ATRNL1: variants seen among roughly 807,000 people sequenced by gnomAD.
ATRNL1 encodes attractin-like protein 1.
Under a neutral mutation model 182.7 loss-of-function variants are expected in ATRNL1, and 95 were observed. The observed-to-expected ratio is 0.52, with a 90% CI of 0.44 to 0.62. The LOEUF is 0.62. Among genes scored for constraint, ATRNL1 ranks in the 20% least tolerant of loss-of-function variants. The pLI is 0.00. For synonymous variants in ATRNL1, 576 were observed against 568.3 expected (o/e 1.01, Z -0.19); for missense variants, 1,471 against 1,679.5 (o/e 0.88, Z 2.17).
At chr10:115,922,473 T>A (rs183038513) in intron 28 of ATRNL1, among the ~76,000 whole-genome samples, 2 of 152,260 alleles carry the variant, frequency 1.3e-5, no homozygotes, top group Admixed American at 1.3e-4. Flanking sequence ...ATGTTTTAAT[T>A]TCTTTTTTTA....
chr10:115,492,502 G>A (rs1311357848), intron 24 of ATRNL1, among the ~76,000 whole-genome samples: 2 of 148,862 alleles, frequency 1.3e-5, no homozygotes, highest in Non-Finnish European at 3.0e-5. Flanking sequence ...TTACTTTGAG[G>A]TTCCTTTTAT....
intron 17 of ATRNL1, among the ~76,000 whole-genome samples, chr10:115,302,693 C>T (rs1169981992): frequency 2.0e-5 from 3 of 152,158 alleles, no homozygotes; most frequent in African/African-American, 7.2e-5. Context: ...TAGGATAAGG[C>T]TGCACCTGAA....
intron 27 of ATRNL1, among the ~76,000 whole-genome samples, chr10:115,788,348 A>G (rs1210356378): frequency 1.3e-5 from 2 of 152,126 alleles, no homozygotes; most frequent in African/African-American, 4.8e-5. Flanking sequence ...TCCTACCTAA[A>G]TAGTGTATTT....
intron 26 of ATRNL1, among the ~76,000 whole-genome samples, chr10:115,710,862 T>C (rs1250816854): frequency 3.3e-5 from 5 of 152,102 alleles, no homozygotes; most frequent in Admixed American, 6.6e-5. Context: ...GGTAAAGCTA[T>C]AAGTGAGTTA....
intron 27 of ATRNL1, among the ~76,000 whole-genome samples, chr10:115,772,390 A>G (rs2134169031): frequency 6.6e-6 from 1 of 152,328 alleles, no homozygotes; most frequent in Non-Finnish European, 1.5e-5. Context: ...ATTAGGTATC[A>G]ACTCATTGAC....
At chr10:115,260,075 A>G (rs1379059407) in intron 10 of ATRNL1, among the ~76,000 whole-genome samples, 5 of 152,222 alleles carry the variant, frequency 3.3e-5, no homozygotes, top group Admixed American at 3.3e-4. Flanking sequence ...TGAAAGGCAA[A>G]TAACTTCTAG....
In ATRNL1 at chr10:115,263,752, T is replaced by G. The variant is rs190794343; in HGVS notation, c.1688-1441T>G. On this transcript the variant is annotated intron_variant, in intron 10 of 28. Transcript: ENST00000355044. The stretch of plus-strand genomic sequence containing the variant: ...TTAAATTAACTCTAACATGTAAAAT[T>G]GGCAGTCTTAATCTTTATCATAGGC... Among the ~76,000 whole-genome samples, 1,009 of 151,890 alleles carry G rather than the reference T, an allele frequency of 6.6e-3. 11 individuals are homozygous for G. Among genetic ancestry groups the G allele is most frequent in the African/African-American group, 0.023 (954 of 41,546 alleles).
At chr10:115,476,649 T>G (rs1186093104) in intron 24 of ATRNL1, among the ~76,000 whole-genome samples, 1 of 151,512 alleles carries the variant, frequency 6.6e-6, no homozygotes, top group Middle Eastern at 3.4e-3. Context: ...TTATTAAATC[T>G]GCATGCCAAA....
chr10:115,562,363 T>A (rs1411932229), intron 26 of ATRNL1, among the ~76,000 whole-genome samples: 1 of 152,172 alleles, frequency 6.6e-6, no homozygotes, highest in African/African-American at 2.4e-5. Flanking sequence ...GGGTTCTTTC[T>A]GGGATGATGA....
intron 9 of ATRNL1, among the ~76,000 whole-genome samples, chr10:115,221,038 C>A (rs565525855): frequency 6.6e-6 from 1 of 152,316 alleles, no homozygotes; most frequent in African/African-American, 2.4e-5. Context: ...GATCATCAAG[C>A]ATTAGATTCT....
chr10:115,334,444 G>T, intron 19 of ATRNL1, 25 bp downstream of exon 19: 1 of 1,495,268 alleles, frequency 6.7e-7, no homozygotes, highest in South Asian at 1.4e-5. Context: ...AGCAAATTTT[G>T]GTGTATTTTT....
At chr10:115,621,280 G>GAGAGAA (rs1565220737) in intron 26 of ATRNL1, among the ~76,000 whole-genome samples, 2 of 55,242 alleles carry the variant, frequency 3.6e-5, no homozygotes, top group Non-Finnish European at 7.3e-5. Context: ...TATATATAGA[G>GAGAGAA]AGAGAGAGAG....
At chr10:115,221,311 T>C (rs1849455551) in intron 9 of ATRNL1, among the ~76,000 whole-genome samples, 2 of 152,232 alleles carry the variant, frequency 1.3e-5, no homozygotes, top group Non-Finnish European at 2.9e-5. Context: ...GTCCATTATG[T>C]ATCAGTATTA....
intron 5 of ATRNL1, among the ~76,000 whole-genome samples, chr10:115,134,582 T>A (rs536729433): frequency 6.6e-6 from 1 of 152,326 alleles, no homozygotes; most frequent in Admixed American, 6.5e-5. Context: ...CCAGACGGAT[T>A]CACAGGTGAA....
intron 19 of ATRNL1, among the ~76,000 whole-genome samples, chr10:115,368,211 G>A (rs531578397): frequency 4.6e-5 from 7 of 152,342 alleles, no homozygotes; most frequent in South Asian, 2.1e-4. Flanking sequence ...AGCCAGGTGC[G>A]GGATATAATC....
chr10:115,847,204 A>G (rs1950949339), intron 27 of ATRNL1, among the ~76,000 whole-genome samples: 1 of 152,060 alleles, frequency 6.6e-6, no homozygotes, highest in Non-Finnish European at 1.5e-5. Flanking sequence ...AATATTCACC[A>G]GGGACAGGGA....
intron 27 of ATRNL1, among the ~76,000 whole-genome samples, chr10:115,802,000 A>T (rs1454438337): frequency 6.7e-6 from 1 of 150,286 alleles, no homozygotes; most frequent in Non-Finnish European, 1.5e-5. Context: ...CTATGGAAAA[A>T]CTTGCCTTAA....
chr10:115,921,211 A>C (rs1953049059), intron 28 of ATRNL1, among the ~76,000 whole-genome samples: 1 of 152,198 alleles, frequency 6.6e-6, no homozygotes, highest in African/African-American at 2.4e-5. Context: ...AAGTAAAGGA[A>C]GCTAGGGACT....
intron 25 of ATRNL1, among the ~76,000 whole-genome samples, chr10:115,521,461 A>C (rs1281683235): frequency 1.3e-5 from 2 of 152,142 alleles, no homozygotes; most frequent in African/African-American, 4.8e-5. Context: ...TCTAAAAAAA[A>C]CTTTTTGATG....
Sources: allele counts gnomAD v4.1 joint callset (sites outside exome capture counted in the v4.1 genomes callset), GRCh38; gene constraint gnomAD v4.1.1; transcripts MANE v1.5; gene names NCBI Gene and HGNC (gene_info 2026-07-23, HGNC 2026-07-21).